The following PACRG variants were observed in gnomAD, a reference collection of about 807,000 sequenced individuals.
PACRG encodes parkin coregulated gene protein.
PACRG carries 29 observed loss-of-function variants against 29.7 expected under a neutral mutation model. The observed-to-expected ratio is 0.98, with a 90% CI of 0.73 to 1.33. The LOEUF (loss-of-function observed/expected upper bound fraction) is 1.33. Ranked by LOEUF, PACRG falls within the 40% of genes most tolerant of loss-of-function variation. The pLI, the probability that PACRG is intolerant of heterozygous loss-of-function variation, is 0.00. For missense variants in PACRG, 279 were observed against 316.2 expected (o/e 0.88, Z 0.89); for synonymous variants, 116 against 118.7 (o/e 0.98, Z 0.15).
intron 4 of PACRG, among the ~76,000 whole-genome samples, chr6:163,178,465 T>C (rs924868368): frequency 6.6e-6 from 1 of 152,172 alleles, no homozygotes; most frequent in Non-Finnish European, 1.5e-5. Flanking sequence ...CCTTTGGCTA[T>C]GGAGTAATCT....
chr6:162,741,494 G>GT (rs1254630544), intron 1 of PACRG, among the ~76,000 whole-genome samples: 1 of 152,028 alleles, frequency 6.6e-6, no homozygotes, highest in Non-Finnish European at 1.5e-5. Flanking sequence ...CTCCATACAT[G>GT]TTTGTGAGGA....
At chr6:163,136,433 G>A (rs1324728667) in intron 4 of PACRG, among the ~76,000 whole-genome samples, 1 of 152,116 alleles carries the variant, frequency 6.6e-6, no homozygotes. Flanking sequence ...TTATTTTTTG[G>A]AATTGCTTAG....
intron 1 of PACRG, among the ~76,000 whole-genome samples, chr6:162,788,394 GTTTA>G (rs71008114): frequency 0.084 from 12,794 of 152,102 alleles, 875 homozygotes; most frequent in South Asian, 0.23. Context: ...ATATACCACA[GTTTA>G]TTTATCCATT....
At chr6:162,953,444 T>C (rs949827814) in intron 2 of PACRG, among the ~76,000 whole-genome samples, 2 of 152,168 alleles carry the variant, frequency 1.3e-5, no homozygotes, top group Admixed American at 6.5e-5. Context: ...AACTAATGAT[T>C]ATTAAATAAA....
intron 4 of PACRG, among the ~76,000 whole-genome samples, chr6:163,176,841 A>G (rs1480872236): frequency 6.6e-6 from 1 of 152,232 alleles, no homozygotes; most frequent in Non-Finnish European, 1.5e-5. Context: ...TTGCATGGAA[A>G]AGGCTGGAGA....
chr6:163,181,240 A>G (rs761623), intron 4 of PACRG, among the ~76,000 whole-genome samples: 37 of 152,144 alleles, frequency 2.4e-4, no homozygotes, highest in African/African-American at 8.7e-4. Flanking sequence ...ACCTCGGGCT[A>G]TCTTGCAAAG....
At chr6:163,261,860 T>C (rs762915850) in intron 4 of PACRG, among the ~76,000 whole-genome samples, 1 of 152,196 alleles carries the variant, frequency 6.6e-6, no homozygotes, top group Non-Finnish European at 1.5e-5. Context: ...TATACGCAAA[T>C]ACTGCACCAT....
chr6:163,261,971 C>A (rs1031022261), intron 4 of PACRG, among the ~76,000 whole-genome samples: 1 of 152,164 alleles, frequency 6.6e-6, no homozygotes, highest in Non-Finnish European at 1.5e-5. Context: ...AATTAATTAA[C>A]CTTTTTTGCA....
chr6:163,280,386 A>T (rs143984035), intron 4 of PACRG, among the ~76,000 whole-genome samples: 1,697 of 152,272 alleles, frequency 0.011, 32 homozygotes, highest in African/African-American at 0.039. Context: ...ATTTCACTGC[A>T]TCTTGAGCTG....
chr6:162,989,202 A>T (rs1029935443), intron 2 of PACRG, among the ~76,000 whole-genome samples: 15 of 152,164 alleles, frequency 9.9e-5, no homozygotes, highest in Admixed American at 3.3e-4. Context: ...TACAGCTCTG[A>T]CTTCTACAGC....
chr6:163,256,572 G>A (rs1783115641), intron 4 of PACRG, among the ~76,000 whole-genome samples: 1 of 152,196 alleles, frequency 6.6e-6, no homozygotes, highest in Non-Finnish European at 1.5e-5. Context: ...AGACCCCCAG[G>A]GATGATGGAT....
chr6:163,304,083 T>C (rs529090237), intron 4 of PACRG, among the ~76,000 whole-genome samples: 1 of 150,928 alleles, frequency 6.6e-6, no homozygotes, highest in South Asian at 2.1e-4. Context: ...AAAAGTTTTT[T>C]TTCTTCTCAA....
chr6:162,787,560 G>T lies in PACRG; in HGVS notation c.157-26587G>T, dbSNP rs1265663538. On this transcript the variant is annotated intron_variant, in intron 1 of 4. Transcript: ENST00000366888. The stretch of plus-strand genomic sequence containing the variant: ...GTTTGTGTATATATATATGGTTATT[G>T]TGTGTGTGTGTGTGTGTGTGTGTAT... Among the ~76,000 whole-genome samples, 213 of 47,318 alleles carry T rather than the reference G, an allele frequency of 4.5e-3. 1 individual carries two copies. The highest frequency in any genetic ancestry group is 6.1e-3 in the Non-Finnish European group (150 of 24,622). 31.0% of individuals were successfully genotyped at this position (47,318 alleles called of 152,430 possible). A position where few individuals can be genotyped will look rare whatever the true frequency, so the allele number is the denominator to read the frequency against.
At chr6:162,792,384 T>C (rs1302329241) in intron 1 of PACRG, among the ~76,000 whole-genome samples, 2 of 152,064 alleles carry the variant, frequency 1.3e-5, no homozygotes, top group Non-Finnish European at 2.9e-5. Context: ...AGGGTTAGGG[T>C]TGCAGAGGGA....
chr6:162,830,712 G>C (rs546018922), intron 2 of PACRG, among the ~76,000 whole-genome samples: 2 of 152,354 alleles, frequency 1.3e-5, no homozygotes, highest in East Asian at 1.9e-4. Context: ...ATGGTGGGGG[G>C]TAGACGTCTT....
At chr6:163,270,076 T>C (rs1200857093) in intron 4 of PACRG, among the ~76,000 whole-genome samples, 1 of 151,360 alleles carries the variant, frequency 6.6e-6, no homozygotes, top group Non-Finnish European at 1.5e-5. Flanking sequence ...CCACCAGATA[T>C]TAAGATAAAT....
intron 2 of PACRG, among the ~76,000 whole-genome samples, chr6:162,897,340 C>T (rs989100791): frequency 3.9e-5 from 6 of 152,256 alleles, no homozygotes; most frequent in South Asian, 4.1e-4. Context: ...GTCATAGTTT[C>T]GTATTCTTTT....
chr6:163,147,769 C>A (rs1039301823), intron 4 of PACRG, among the ~76,000 whole-genome samples: 1 of 152,186 alleles, frequency 6.6e-6, no homozygotes, highest in African/African-American at 2.4e-5. Context: ...CACAGCCTTT[C>A]TTTTTGGGCA....
chr6:163,174,984 C>T (rs530954391), intron 4 of PACRG, among the ~76,000 whole-genome samples: 44 of 152,292 alleles, frequency 2.9e-4, no homozygotes, highest in African/African-American at 1.1e-3. Flanking sequence ...GTAGCAGAGT[C>T]GAAATATCAA....
Sources: gnomAD v4.1 joint callset for allele counts (sites outside exome capture counted in the v4.1 genomes callset) on GRCh38, gnomAD v4.1.1 for gene constraint, MANE v1.5 for transcripts, NCBI Gene and HGNC (gene_info 2026-07-23, HGNC 2026-07-21) for gene names.